MIDEAS: variants seen among roughly 807,000 people sequenced by gnomAD.
MIDEAS encodes the protein mitotic deacetylase associated SANT domain protein, also known as mitotic deacetylase-associated SANT domain protein.
In MIDEAS, 26 loss-of-function variants were observed where a neutral mutation model predicts 102.7. The ratio of observed to expected loss-of-function variants is 0.25; its 90% CI spans 0.19 to 0.35. The LOEUF is 0.35. MIDEAS is among the 10% of genes least tolerant of loss of function. The pLI is 1.00. For synonymous variants in MIDEAS, 585 were observed against 591.0 expected, an observed-to-expected ratio of 0.99 and a Z score of 0.15; for missense variants, 1,231 against 1,435.6, an observed-to-expected ratio of 0.86 and a Z score of 2.30.
chr14:73,734,838 G>A (rs951125445), intron 3 of MIDEAS, among the ~76,000 whole-genome samples: 4 of 152,122 alleles, frequency 2.6e-5, no homozygotes, highest in Admixed American at 6.5e-5. Context: ...GAAGAAATAC[G>A]GGTAAGAAGA....
intron 1 of MIDEAS, among the ~76,000 whole-genome samples, chr14:73,771,025 A>G (rs962667283): frequency 2.0e-5 from 3 of 152,172 alleles, no homozygotes; most frequent in Non-Finnish European, 4.4e-5. Context: ...GATATTCTAG[A>G]AAAGCACAGA....
In MIDEAS at chr14:73,729,627, G is replaced by A. The variant is rs147850259; in HGVS notation, c.2095+13C>T. The A allele has an allele frequency of 3.6e-4, 570 of 1,588,284 alleles. 2 individuals are homozygous for A. In the African/African-American group the frequency reaches 6.3e-3, roughly 17 times the overall value. ...CCCCGCTCCTGCCAGGGTCGCGGAG[G>A]GAGGTCACTCACTAGTCCGGAGCAG... On this transcript the variant is annotated intron_variant, in intron 4 of 12. Coordinates refer to ENST00000423556, the MANE Select transcript of MIDEAS (RefSeq NM_001367710.1).
chr14:73,722,466 G>C (rs1410719429), intron 10 of MIDEAS: 16 of 378,962 alleles, frequency 4.2e-5, no homozygotes, highest in African/African-American at 2.0e-5. Flanking sequence ...ATGCTGGTGT[G>C]AATCTTGTGG....
In MIDEAS at chr14:73,739,365, T is replaced by C; in HGVS notation, c.644A>G (p.Gln215Arg). 1 of 1,596,304 alleles carries C rather than the reference T, an allele frequency of 6.3e-7. No homozygotes were observed. Among genetic ancestry groups the C allele is most frequent in the Non-Finnish European group, 8.5e-7 (1 of 1,169,704 alleles). The change falls in exon 2 of 13, where the codon CAA becomes CGA. Residue 215 changes from glutamine (Q) to arginine (R), a missense_variant. Coordinates refer to ENST00000423556, the MANE Select transcript of MIDEAS (RefSeq NM_001367710.1). ...GTGGCCGAATGCCAGCTGGAAGGGT[T>C]GCAGGGGCAGTGACTGGTTTGGGGG... ...KKPPNQSLPL[Q>R]PFQLAFGHQV...
chr14:73,783,873 G>A (rs1319342942), intron 1 of MIDEAS, among the ~76,000 whole-genome samples: 2 of 152,148 alleles, frequency 1.3e-5, no homozygotes, highest in Non-Finnish European at 2.9e-5. Context: ...TCTTTAGCTG[G>A]GGGTGTTCGG....
At chr14:73,772,671 T>C (rs1441312673) in intron 1 of MIDEAS, among the ~76,000 whole-genome samples, 1 of 152,170 alleles carries the variant, frequency 6.6e-6, no homozygotes, top group Non-Finnish European at 1.5e-5. Flanking sequence ...AAATAATAAA[T>C]AGATATCTTT....
chr14:73,744,090 T>C (rs549058044), intron 1 of MIDEAS, among the ~76,000 whole-genome samples: 1 of 149,658 alleles, frequency 6.7e-6, no homozygotes, highest in Non-Finnish European at 1.5e-5. Context: ...CCCACATATA[T>C]GTTTTGCAGA....
At chr14:73,723,176 G>A (rs951784651) in intron 9 of MIDEAS, 11 of 178,944 alleles carry the variant, frequency 6.1e-5, no homozygotes, top group Admixed American at 1.7e-4. Context: ...ACAGAGTCTC[G>A]CTCTGTCACT....
rs532501646 is a variant in MIDEAS at position 73,718,890 on chromosome 14, G to GGGCGGC, written c.3247_3252dup (p.Ala1083_Ala1084dup). 1,072 of 1,518,474 alleles carry GGGCGGC rather than the reference G, an allele frequency of 7.1e-4. 6 individuals carry two copies. In the African/African-American group the frequency reaches 0.012, roughly 17 times the overall value. The allele number at this position is 1,518,474 out of a possible 1,614,324, so 94.1% of individuals were successfully genotyped here. On this transcript the variant is annotated inframe_insertion, in exon 13 of 13. Coordinates refer to ENST00000423556, the MANE Select transcript of MIDEAS (RefSeq NM_001367710.1). ...CTCTCCTCCCGCAGGGCCTGCTGGT[G>GGGCGGC]GGCGGCGGCGGCGGCAGCAGCGGCC...
intron 1 of MIDEAS, among the ~76,000 whole-genome samples, chr14:73,744,047 C>T (rs1285124109): frequency 7.0e-6 from 1 of 142,992 alleles, no homozygotes; most frequent in East Asian, 2.0e-4. Flanking sequence ...AAGCAGTGTG[C>T]ACCAGGAAAA....
chr14:73,749,256 G>A (rs2053391765), intron 1 of MIDEAS, among the ~76,000 whole-genome samples: 2 of 148,716 alleles, frequency 1.3e-5, no homozygotes, highest in Non-Finnish European at 3.0e-5. Context: ...AAAAGAGCAG[G>A]CCCGGCACAG....
chr14:73,775,852 T>C (rs982974898), intron 1 of MIDEAS, among the ~76,000 whole-genome samples: 4 of 151,912 alleles, frequency 2.6e-5, no homozygotes, highest in Admixed American at 6.6e-5. Flanking sequence ...ATGAGGAAAC[T>C]GGGCAGGATG....
At chr14:73,769,983 C>G (rs989817093) in intron 1 of MIDEAS, among the ~76,000 whole-genome samples, 2 of 148,944 alleles carry the variant, frequency 1.3e-5, no homozygotes, top group Non-Finnish European at 3.0e-5. Flanking sequence ...GTTTAAAACG[C>G]TGACCAGGTA....
chr14:73,727,407 G>A, intron 5 of MIDEAS, 51 bp downstream of exon 5: 1 of 1,591,578 alleles, frequency 6.3e-7, no homozygotes, highest in Non-Finnish European at 8.6e-7. Context: ...TGCACACACT[G>A]CACCAGTGTG....
chr14:73,769,929 T>G (rs2053628012), intron 1 of MIDEAS, among the ~76,000 whole-genome samples: 1 of 147,248 alleles, frequency 6.8e-6, no homozygotes, highest in Non-Finnish European at 1.5e-5. Flanking sequence ...TTTTTTTTAA[T>G]TTTTGCGGGT....
At chr14:73,750,940 C>A (rs1339819241) in intron 1 of MIDEAS, among the ~76,000 whole-genome samples, 1 of 152,228 alleles carries the variant, frequency 6.6e-6, no homozygotes, top group Non-Finnish European at 1.5e-5. Flanking sequence ...ATTGAAGGTG[C>A]TACTATGTGC....
In MIDEAS at chr14:73,726,055, C is replaced by G; in HGVS notation, c.2463G>C (p.Pro821=). The G allele has an allele frequency of 1.9e-6, 3 of 1,598,746 alleles. No individual in the cohort carries two copies. The highest frequency in any genetic ancestry group is 2.6e-6 in the Non-Finnish European group (3 of 1,173,512). Reference sequence around the variant, plus strand: ...CACCTGTGTAGTGATAAGTTGCCAGCGGATGGTTGTGGGGCCGCAGGGGCT... The same window carrying G: ...CACCTGTGTAGTGATAAGTTGCCAGGGGATGGTTGTGGGGCCGCAGGGGCT... ...LKKPLRPHNH[P]LATYHYTGSD... Residue 821 remains proline, a synonymous_variant, in exon 8 of 13, where the codon CCG becomes CCC. Coordinates refer to ENST00000423556, the MANE Select transcript of MIDEAS (RefSeq NM_001367710.1).
intron 1 of MIDEAS, among the ~76,000 whole-genome samples, chr14:73,756,303 C>T (rs960790317): frequency 5.3e-5 from 5 of 93,742 alleles, no homozygotes; most frequent in South Asian, 8.2e-4. Context: ...TGTGCGCGCG[C>T]GCGTGCGCGC....
chr14:73,787,639 G>GTCA (rs1421100147), upstream of MIDEAS: 2 of 152,272 alleles, frequency 1.3e-5, no homozygotes, highest in African/African-American at 4.8e-5. Context: ...GGCTAAAAGG[G>GTCA]TCATGTCAGA....
Sources: gnomAD v4.1 joint callset for allele counts (sites outside exome capture counted in the v4.1 genomes callset) on GRCh38, gnomAD v4.1.1 for gene constraint, MANE v1.5 for transcripts, NCBI Gene and HGNC (gene_info 2026-07-23, HGNC 2026-07-21) for gene names.